Variants in RAB11FIP4 observed in about 807,000 individuals in gnomAD.
RAB11FIP4 encodes the protein RAB11 family interacting protein 4, also known as rab11 family-interacting protein 4.
RAB11FIP4 carries 23 observed loss-of-function variants against 74.3 expected under a neutral mutation model. The ratio of observed to expected loss-of-function variants is 0.31; its 90% confidence interval spans 0.22 to 0.44. The LOEUF is 0.44. Ranked by LOEUF, RAB11FIP4 falls within the 20% of genes least tolerant of loss-of-function variation. The pLI, the probability that RAB11FIP4 is intolerant of heterozygous loss-of-function variation, is 1.00. For synonymous variants in RAB11FIP4, 360 were observed against 359.9 expected, an observed-to-expected ratio of 1.00 and a Z score of 0.00; for missense variants, 630 against 863.9, an observed-to-expected ratio of 0.73 and a Z score of 3.39.
intron 3 of RAB11FIP4, among the ~76,000 whole-genome samples, chr17:31,462,108 C>A (rs1415385944): frequency 6.6e-6 from 1 of 151,978 alleles, no homozygotes; most frequent in East Asian, 1.9e-4. Context: ...ACTAAAAATA[C>A]AAAAATTAGC....
At position 31,506,908 on chromosome 17, in the gene RAB11FIP4, G is replaced by T. The variant is rs540735947; in HGVS notation, c.337-10743G>T. The stretch of plus-strand genomic sequence containing the variant: ...TCTTTTGTTTGTATACCTAGTAGAT[G>T]AATTGTTGGATCATATGATAGTTTT... On this transcript the variant is annotated intron_variant, in intron 3 of 14. Transcript: ENST00000621161. 3.2e-3 allele frequency among the ~76,000 whole-genome samples: 483 copies of T among 152,314 alleles called. 3 individuals carry two copies. The highest frequency in any genetic ancestry group is 0.011 in the African/African-American group (451 of 41,558).
intron 3 of RAB11FIP4, among the ~76,000 whole-genome samples, chr17:31,501,355 A>G (rs2072217748): frequency 6.6e-6 from 1 of 152,142 alleles, no homozygotes; most frequent in African/African-American, 2.4e-5. Flanking sequence ...AATGCGTTTA[A>G]TACATCTCAC....
Position 31,512,685 on chromosome 17 carries a change from G to A in RAB11FIP4, c.337-4966G>A, listed in dbSNP as rs545527772. ...TCAGACTGTGCCAGAGACGATGCCC[G>A]GTGCTGCCTCCTGAGGATACCACAC... On this transcript the variant is annotated intron_variant, in intron 3 of 14. Transcript: ENST00000621161. This position sits in a 1 kb window ranked among gnomAD's most constrained non-coding sequence, Gnocchi z 4.1. Among the ~76,000 whole-genome samples, 1 of 152,096 alleles carries A rather than the reference G, an allele frequency of 6.6e-6. No homozygotes were observed. The highest frequency in any genetic ancestry group is 1.9e-4 in the East Asian group (1 of 5,188).
chr17:31,428,315 C>T (rs910165508), intron 1 of RAB11FIP4, among the ~76,000 whole-genome samples: 1 of 152,198 alleles, frequency 6.6e-6, no homozygotes, highest in African/African-American at 2.4e-5. Context: ...ATAGATGAAT[C>T]CCCAACGTGG....
chr17:31,401,800 A>G (rs1282772308), intron 1 of RAB11FIP4, among the ~76,000 whole-genome samples: 1 of 152,250 alleles, frequency 6.6e-6, no homozygotes, highest in African/African-American at 2.4e-5. Flanking sequence ...ACTCCCATTC[A>G]GTGCCTGCAT....
chr17:31,490,996 C>G (rs1320007314), intron 3 of RAB11FIP4, among the ~76,000 whole-genome samples: 1 of 152,254 alleles, frequency 6.6e-6, no homozygotes, highest in Admixed American at 6.5e-5. Context: ...GACTCAGGAA[C>G]TGGGCACCTA....
chr17:31,504,520 G>A (rs1439822243), intron 3 of RAB11FIP4, among the ~76,000 whole-genome samples: 2 of 152,040 alleles, frequency 1.3e-5, no homozygotes, highest in African/African-American at 4.8e-5. Context: ...CGCTCGCCTC[G>A]GTCTCCCAAA....
intron 1 of RAB11FIP4, among the ~76,000 whole-genome samples, chr17:31,399,426 T>C (rs1032874629): frequency 2.6e-5 from 4 of 152,196 alleles, no homozygotes; most frequent in Non-Finnish European, 4.4e-5. Context: ...AAATTTTTTA[T>C]TCTAGGCCAG....
At chr17:31,490,094 A>G (rs1368112956) in intron 3 of RAB11FIP4, among the ~76,000 whole-genome samples, 1 of 152,078 alleles carries the variant, frequency 6.6e-6, no homozygotes, top group East Asian at 1.9e-4. Flanking sequence ...TTGGGGTTCC[A>G]GGGGCAGCCT....
intron 14 of RAB11FIP4, chr17:31,531,277 CG>C (rs2072867451): frequency 1.3e-5 from 3 of 223,892 alleles, no homozygotes; most frequent in African/African-American, 2.3e-5. Flanking sequence ...GGAGTCTTAG[CG>C]GCCCTGGGAC....
chr17:31,457,197 G>A (rs1284752118), intron 3 of RAB11FIP4, among the ~76,000 whole-genome samples: 1 of 152,072 alleles, frequency 6.6e-6, no homozygotes, highest in Non-Finnish European at 1.5e-5. Flanking sequence ...GAATTTGGAG[G>A]GCCTTCCTCA....
chr17:31,419,436 G>T (rs183064369), intron 1 of RAB11FIP4, among the ~76,000 whole-genome samples: 35 of 151,746 alleles, frequency 2.3e-4, no homozygotes, highest in Admixed American at 7.9e-4. Context: ...AACCCCATTC[G>T]GCTGCTTGTC....
intron 1 of RAB11FIP4, among the ~76,000 whole-genome samples, chr17:31,424,503 G>A (rs896096314): frequency 6.6e-6 from 1 of 151,596 alleles, no homozygotes; most frequent in African/African-American, 2.4e-5. Flanking sequence ...CCCGCCTCCT[G>A]GGTTCAAGCA....
intron 3 of RAB11FIP4, among the ~76,000 whole-genome samples, chr17:31,442,431 A>G (rs1279755986): frequency 6.6e-6 from 1 of 152,146 alleles, no homozygotes; most frequent in Non-Finnish European, 1.5e-5. Context: ...CAAATTACAG[A>G]CCCCACGAGC....
At position 31,537,386 on chromosome 17, in the gene RAB11FIP4, G is replaced by A. The variant is rs1303837033; in HGVS notation, c.*5654G>A. 2 of 395,984 alleles carry A rather than the reference G, an allele frequency of 5.1e-6. No individual in the cohort carries two copies. Among genetic ancestry groups the A allele is most frequent in the Non-Finnish European group, 8.9e-6 (2 of 224,698 alleles). 24.5% of individuals were successfully genotyped at this position (395,984 alleles called of 1,614,324 possible). ...ATCTTTCATTATTGTCTTAAGCATG[G>A]GGGGCTAGGACCCACTTAGTCCCTC... On this transcript the variant is annotated 3_prime_UTR_variant, in exon 15 of 15. Transcript: ENST00000621161.
intron 10 of RAB11FIP4, chr17:31,525,731 C>T (rs2072755056): frequency 6.2e-6 from 1 of 161,722 alleles, no homozygotes; most frequent in Admixed American, 5.7e-5. Context: ...CGTACTGGGT[C>T]ACCTCCCTGT....
intron 3 of RAB11FIP4, among the ~76,000 whole-genome samples, chr17:31,450,190 C>T (rs2071511123): frequency 1.3e-5 from 2 of 152,086 alleles, no homozygotes; most frequent in African/African-American, 4.8e-5. Flanking sequence ...GCTCCATTCA[C>T]ATTTTACTGG....
At chr17:31,454,415 AG>A (rs2071558683) in intron 3 of RAB11FIP4, among the ~76,000 whole-genome samples, 1 of 152,054 alleles carries the variant, frequency 6.6e-6, no homozygotes, top group Non-Finnish European at 1.5e-5. Context: ...CTGGGACTAC[AG>A]GTATGTGCCA....
chr17:31,396,750 T>C (rs2070935638), intron 1 of RAB11FIP4, among the ~76,000 whole-genome samples: 1 of 152,188 alleles, frequency 6.6e-6, no homozygotes, highest in Non-Finnish European at 1.5e-5. Context: ...CACACTTCCC[T>C]GTGACATGGT....
Sources: allele counts gnomAD v4.1 joint callset (sites outside exome capture counted in the v4.1 genomes callset), GRCh38; gene constraint gnomAD v4.1.1; non-coding constraint Gnocchi (gnomAD v3.1); transcripts MANE v1.5; gene names NCBI Gene and HGNC (gene_info 2026-07-23, HGNC 2026-07-21).